The following DTNA variants were observed in gnomAD, a reference collection of about 807,000 sequenced individuals.
DTNA encodes the protein dystrobrevin alpha.
In DTNA, 43 loss-of-function variants were observed where a neutral mutation model predicts 100.7. The ratio of observed to expected loss-of-function variants is 0.43; its 90% CI spans 0.33 to 0.55. The LOEUF (loss-of-function observed/expected upper bound fraction) is 0.55. Ranked by LOEUF, DTNA falls within the 20% of genes least tolerant of loss-of-function variation. DTNA has a pLI of 0.04. For synonymous variants in DTNA, 349 were observed against 347.9 expected (o/e 1.00, Z -0.04); for missense variants, 798 against 953.9 (o/e 0.84, Z 2.15).
chr18:34,621,409 C>G (rs936994874), intron 1 of DTNA, among the ~76,000 whole-genome samples: 1 of 151,944 alleles, frequency 6.6e-6, no homozygotes, highest in Non-Finnish European at 1.5e-5. Flanking sequence ...TCACAAAAGT[C>G]AAGATATGGA....
chr18:34,516,939 A>G (rs1365649631), intron 1 of DTNA, among the ~76,000 whole-genome samples: 1 of 152,200 alleles, frequency 6.6e-6, no homozygotes, highest in African/African-American at 2.4e-5. Context: ...GTAGGAAATT[A>G]TAAGAGTATT....
intron 1 of DTNA, among the ~76,000 whole-genome samples, chr18:34,495,202 G>C (rs987770656): frequency 6.6e-6 from 1 of 152,104 alleles, no homozygotes; most frequent in Non-Finnish European, 1.5e-5. Context: ...AACCTTAATA[G>C]GTATGTGCTG....
intron 1 of DTNA, among the ~76,000 whole-genome samples, chr18:34,629,157 C>T (rs1400836603): frequency 6.6e-6 from 1 of 152,136 alleles, no homozygotes; most frequent in African/African-American, 2.4e-5. Context: ...AAAGAACAAT[C>T]CTCACTACAG....
intron 1 of DTNA, among the ~76,000 whole-genome samples, chr18:34,704,006 T>C (rs1027657128): frequency 6.6e-6 from 1 of 152,236 alleles, no homozygotes; most frequent in African/African-American, 2.4e-5. Context: ...TTCTTAATCT[T>C]TGTTTTACCA....
chr18:34,814,796 A>G (rs940033443), intron 6 of DTNA, among the ~76,000 whole-genome samples: 5 of 152,204 alleles, frequency 3.3e-5, no homozygotes, highest in African/African-American at 7.2e-5. Flanking sequence ...CTGTTCTGTT[A>G]TATGATTTAT....
chr18:34,701,325 C>T (rs1476787868), intron 1 of DTNA, among the ~76,000 whole-genome samples: 1 of 152,048 alleles, frequency 6.6e-6, no homozygotes, highest in African/African-American at 2.4e-5. Context: ...GATGTTTTTC[C>T]CATTCTCATC....
At chr18:34,594,107 TATCTC>T (rs1327558143) in intron 1 of DTNA, among the ~76,000 whole-genome samples, 2 of 151,936 alleles carry the variant, frequency 1.3e-5, no homozygotes, top group African/African-American at 4.8e-5. Context: ...TTTTTAGTGT[TATCTC>T]ATTAATTCCA....
intron 1 of DTNA, among the ~76,000 whole-genome samples, chr18:34,584,250 GACAGCTAAAGAATACC>G (rs1207838277): frequency 2.7e-5 from 4 of 149,128 alleles, no homozygotes; most frequent in African/African-American, 1.0e-4. Context: ...TGCTTGAGCA[GACAGCTAAAGAATACC>G]ACATATGGAG....
chr18:34,627,466 A>C (rs2057481450), intron 1 of DTNA, among the ~76,000 whole-genome samples: 1 of 152,178 alleles, frequency 6.6e-6, no homozygotes, highest in Non-Finnish European at 1.5e-5. Context: ...GGGCCCTATC[A>C]GTTCCCATAG....
chr18:34,693,525 T>C (rs1021938098), intron 1 of DTNA, among the ~76,000 whole-genome samples: 6 of 152,110 alleles, frequency 3.9e-5, no homozygotes, highest in Non-Finnish European at 8.8e-5. Context: ...TATTCTTGAG[T>C]TTATTTTCCC....
At chr18:34,875,534 C>T in intron 18 of DTNA, 136 bp downstream of exon 18, 1 of 1,323,108 alleles carries the variant, frequency 7.6e-7, no homozygotes, top group Non-Finnish European at 1.1e-6. Context: ...AGAGCCTGGC[C>T]TGCCAGCCAT....
chr18:34,554,322 A>C, intron 1 of DTNA, among the ~76,000 whole-genome samples: 1 of 142,956 alleles, frequency 7.0e-6, no homozygotes, highest in African/African-American at 2.7e-5. Flanking sequence ...ATCTGCAAAC[A>C]GGGACAATTT....
chr18:34,681,215 A>G (rs1386912211), intron 1 of DTNA, among the ~76,000 whole-genome samples: 1 of 152,182 alleles, frequency 6.6e-6, no homozygotes, highest in Non-Finnish European at 1.5e-5. Context: ...CTAATCTATC[A>G]ATACTTCATT....
intron 22 of DTNA, among the ~76,000 whole-genome samples, chr18:34,887,067 G>A (rs947266987): frequency 6.6e-6 from 1 of 152,196 alleles, no homozygotes; most frequent in African/African-American, 2.4e-5. Flanking sequence ...AAGGCAGAGA[G>A]CCTTGCATTG....
chr18:34,817,571 C>A (rs1363978833), intron 7 of DTNA, among the ~76,000 whole-genome samples: 2 of 149,632 alleles, frequency 1.3e-5, no homozygotes, highest in Non-Finnish European at 3.0e-5. Context: ...TATACACCTG[C>A]CTCAGGAAAG....
chr18:34,845,062 G>A (rs1368312082), intron 13 of DTNA, among the ~76,000 whole-genome samples: 1 of 152,154 alleles, frequency 6.6e-6, no homozygotes, highest in Non-Finnish European at 1.5e-5. Context: ...TGAATAGCTA[G>A]GGCTGGAGAA....
At chr18:34,787,725 C>G (rs941656665) in intron 3 of DTNA, among the ~76,000 whole-genome samples, 4 of 152,186 alleles carry the variant, frequency 2.6e-5, no homozygotes, top group Admixed American at 2.0e-4. Flanking sequence ...AACAAACTCT[C>G]CTTTACCCAT....
At position 34,756,013 on chromosome 18, in the gene DTNA, G is replaced by A. The variant is rs772676640; in HGVS notation, c.37G>A (p.Ala13Thr). The A allele has an allele frequency of 1.2e-6, 2 of 1,613,338 alleles. No individual in the cohort carries two copies. The highest frequency in any genetic ancestry group is 1.7e-6 in the Non-Finnish European group (2 of 1,179,626). ...EDSGKRGNTM[A>T]ERRQLFAEMR... ...TAGTGGGAAAAGAGGAAATACCATG[G>A]CAGAAAGAAGACAGCTGTTTGCAGA... Residue 13 changes from alanine (A) to threonine (T), a missense_variant, in exon 2 of 23, where the codon GCA (alanine) becomes ACA (threonine). Ala to Thr is a moderately conservative substitution (Grantham distance 58). Around this residue, in one of 6 missense-constraint regions of DTNA, gnomAD observed 197 missense variants for 215.4 expected, o/e 0.91. Transcript: ENST00000444659.
intron 1 of DTNA, among the ~76,000 whole-genome samples, chr18:34,580,445 C>T (rs769800752): frequency 6.2e-4 from 95 of 152,158 alleles, no homozygotes; most frequent in Non-Finnish European, 1.1e-3. Flanking sequence ...AATGGCTCAT[C>T]CTTTTCTCTA....
Sources: gnomAD v4.1 joint callset for allele counts (sites outside exome capture counted in the v4.1 genomes callset) on GRCh38, gnomAD v4.1.1 for gene constraint, gnomAD v4.1.1 regional missense constraint, MANE v1.5 for transcripts, NCBI Gene and HGNC (gene_info 2026-07-23, HGNC 2026-07-21) for gene names.